CGNL1: variants seen among roughly 807,000 people sequenced by gnomAD.
CGNL1 encodes cingulin-like protein 1.
CGNL1 carries 132 observed loss-of-function variants against 141.2 expected under a neutral mutation model. The observed-to-expected ratio is 0.93, with a 90% CI of 0.81 to 1.08. The LOEUF is 1.08. Ranked by LOEUF, CGNL1 falls within the 50% of genes least tolerant of loss-of-function variation. The probability of loss-of-function intolerance (pLI) is 0.00; values close to 1 mark genes in which losing one functional copy is unlikely to be tolerated. For synonymous variants in CGNL1, 690 were observed against 622.1 expected (o/e 1.11, Z -1.63); for missense variants, 1,870 against 1,588.6 (o/e 1.18, Z -3.01).
chr15:57,515,443 C>T (rs539510986), intron 8 of CGNL1, among the ~76,000 whole-genome samples: 1 of 152,360 alleles, frequency 6.6e-6, no homozygotes, highest in South Asian at 2.1e-4. Context: ...CTAGCAGATA[C>T]TTCTCCCACA....
rs564015384 is a variant in CGNL1, at chr15:57,535,308, T to G, written c.3291+3529T>G. ...GTCCCTGACCTTGAGTTGCTACAGT[T>G]TGTTTGAGGAGATGGGTCAGACCTA... On this transcript the variant is annotated intron_variant, in intron 14 of 18. Transcript: ENST00000281282. Among the ~76,000 whole-genome samples, 33 of 152,300 alleles carry G rather than the reference T, an allele frequency of 2.2e-4. 1 individual carries two copies. Among genetic ancestry groups the G allele is most frequent in the African/African-American group, 7.0e-4 (29 of 41,570 alleles).
intron 7 of CGNL1, among the ~76,000 whole-genome samples, chr15:57,455,146 A>G (rs2063364003): frequency 6.6e-6 from 1 of 152,236 alleles, no homozygotes. Context: ...ATAAACCACA[A>G]TATATTTAAC....
chr15:57,422,196 T>A (rs2062923214), intron 1 of CGNL1, among the ~76,000 whole-genome samples: 1 of 149,198 alleles, frequency 6.7e-6, no homozygotes, highest in South Asian at 2.1e-4. Context: ...TCTCTTCAGT[T>A]TTTTTCTCCT....
intron 1 of CGNL1, among the ~76,000 whole-genome samples, chr15:57,411,803 C>G (rs569921133): frequency 6.6e-5 from 10 of 151,964 alleles, no homozygotes; most frequent in African/African-American, 2.2e-4. Flanking sequence ...GATAATTCCA[C>G]TGGCCTTTGG....
chr15:57,498,245 G>GCTTTTT (rs779479179), intron 8 of CGNL1, among the ~76,000 whole-genome samples: 4 of 101,090 alleles, frequency 4.0e-5, no homozygotes, highest in Non-Finnish European at 1.8e-5. Context: ...TGGGGAAACA[G>GCTTTTT]TTTTTTTTTT....
intron 1 of CGNL1, among the ~76,000 whole-genome samples, chr15:57,437,473 A>G (rs1464615805): frequency 6.6e-6 from 1 of 152,090 alleles, no homozygotes; most frequent in African/African-American, 2.4e-5. Flanking sequence ...TGAACTGCAG[A>G]GTAACAAAGA....
intron 8 of CGNL1, among the ~76,000 whole-genome samples, chr15:57,490,943 A>G (rs2063852581): frequency 6.6e-6 from 1 of 152,186 alleles, no homozygotes; most frequent in Non-Finnish European, 1.5e-5. Flanking sequence ...TCCTGCAAAT[A>G]TACCTTGCGC....
chr15:57,547,058 A>G (rs2032908065), intron 18 of CGNL1, among the ~76,000 whole-genome samples: 1 of 152,242 alleles, frequency 6.6e-6, no homozygotes, highest in African/African-American at 2.4e-5. Flanking sequence ...GGTGAACAAG[A>G]TACCAAAATT....
rs1054145393 is a variant in CGNL1 at position 57,549,882 on chromosome 15, C to T, written c.*2392C>T. The T allele has an allele frequency of 4.6e-5, 7 of 152,198 alleles. No homozygotes were observed. The highest frequency in any genetic ancestry group is 1.4e-4 in the African/African-American group (6 of 41,440). 9.4% of individuals were successfully genotyped at this position (152,198 alleles called of 1,614,324 possible). On this transcript the variant is annotated 3_prime_UTR_variant, in exon 19 of 19. Transcript: ENST00000281282. ...TGCTGCTTCTCCCATCGTTAGACAT[C>T]TGCCAGTAAGCCTGCTGAGAGAAGC...
intron 8 of CGNL1, among the ~76,000 whole-genome samples, chr15:57,483,550 G>A (rs555664295): frequency 2.1e-4 from 32 of 149,150 alleles, no homozygotes; most frequent in African/African-American, 7.6e-4. Context: ...CTGCAAACAG[G>A]GACAGTTTTA....
chr15:57,536,746 C>T (rs937247), intron 14 of CGNL1, among the ~76,000 whole-genome samples: 5,288 of 152,238 alleles, frequency 0.035, 311 homozygotes, highest in African/African-American at 0.12. Context: ...GTGCTGGGTG[C>T]CTCACTCACT....
chr15:57,382,730 A>T (rs557936135), intron 1 of CGNL1, among the ~76,000 whole-genome samples: 1 of 152,140 alleles, frequency 6.6e-6, no homozygotes, highest in East Asian at 1.9e-4. Flanking sequence ...TATAGTCCAC[A>T]TAGGGAAGAG....
In CGNL1 at chr15:57,528,802, T is replaced by G. The variant is rs1595801000; in HGVS notation, c.3188T>G (p.Val1063Gly). ...SHLKDDRSRL[V>G]KQMEDKVSQL... ...CTCAAAGATGACCGCAGCAGGCTGG[T>G]CAAGCAGATGGAGGTCTGTGGGCCG... Residue 1063 changes from valine to glycine, a missense_variant, in exon 13 of 19, where the codon GTC (valine) becomes GGC (glycine). Transcript: ENST00000281282. 1 of 1,613,738 alleles carries G rather than the reference T, an allele frequency of 6.2e-7. No homozygotes were observed. Among genetic ancestry groups the G allele is most frequent in the Non-Finnish European group, 8.5e-7 (1 of 1,179,954 alleles).
At chr15:57,397,304 G>C (rs1160146974) in intron 1 of CGNL1, among the ~76,000 whole-genome samples, 1 of 152,116 alleles carries the variant, frequency 6.6e-6, no homozygotes, top group Non-Finnish European at 1.5e-5. Context: ...CAGTCAAAAC[G>C]GTTCTCCTTC....
At chr15:57,406,367 G>A (rs1196698639) in intron 1 of CGNL1, among the ~76,000 whole-genome samples, 1 of 152,184 alleles carries the variant, frequency 6.6e-6, no homozygotes, top group Non-Finnish European at 1.5e-5. Context: ...GTAGCTAGAG[G>A]GAGGGAGTGA....
intron 8 of CGNL1, among the ~76,000 whole-genome samples, chr15:57,465,412 A>G (rs1377120377): frequency 5.4e-5 from 6 of 110,826 alleles, no homozygotes; most frequent in African/African-American, 1.0e-4. Flanking sequence ...TTTTTTTAAG[A>G]TGGAGTCTCA....
rs192423417 is a variant in CGNL1 at position 57,465,803 on chromosome 15, G to A, written c.2403+3911G>A. On this transcript the variant is annotated intron_variant, in intron 8 of 18. Coordinates refer to ENST00000281282, the MANE Select transcript of CGNL1 (RefSeq NM_032866.5). ...AAACCCCCTAAAGTGCTATTTTATC[G>A]TTGTAAAATAACCAGCACTTTATCC... 7.2e-4 allele frequency among the ~76,000 whole-genome samples: 110 copies of A among 152,116 alleles called. 1 individual carries two copies. The highest frequency in any genetic ancestry group is 2.1e-3 in the African/African-American group (88 of 41,502).
At chr15:57,449,966 C>T (rs1248429360) in intron 4 of CGNL1, among the ~76,000 whole-genome samples, 1 of 152,152 alleles carries the variant, frequency 6.6e-6, no homozygotes, top group Non-Finnish European at 1.5e-5. Flanking sequence ...CTTTTAAGGG[C>T]ATCTTGATTG....
At position 57,452,222 on chromosome 15, in the gene CGNL1, G is replaced by C. The variant is rs373535587; in HGVS notation, c.1987G>C (p.Glu663Gln). The stretch of plus-strand genomic sequence containing the variant: ...CCGAAGCCAACACAACGAAAAGGTG[G>C]AGGAGAACTCCACATTGCAGCAACG... The part of the protein sequence containing the change: ...ELRSQHNEKV[E>Q]ENSTLQQRLE... Residue 663 changes from glutamate to glutamine, a missense_variant, in exon 6 of 19, where the codon GAG becomes CAG. Glu to Gln is a conservative substitution (Grantham distance 29, BLOSUM62 2). Transcript: ENST00000281282. 1 of 1,613,916 alleles carries C rather than the reference G, an allele frequency of 6.2e-7. No individual in the cohort carries two copies. Among genetic ancestry groups the C allele is most frequent in the African/African-American group, 1.3e-5 (1 of 74,906 alleles).
Sources: allele counts gnomAD v4.1 joint callset (sites outside exome capture counted in the v4.1 genomes callset), GRCh38; gene constraint gnomAD v4.1.1; transcripts MANE v1.5; gene names NCBI Gene and HGNC (gene_info 2026-07-23, HGNC 2026-07-21).